The following SAMSN1 variants were observed in gnomAD, a reference collection of about 807,000 sequenced individuals.
SAMSN1 encodes the protein SAM domain-containing protein SAMSN-1.
A neutral mutation model predicts 42.0 loss-of-function variants in SAMSN1; 31 were observed. The observed-to-expected ratio is 0.74, with a 90% CI of 0.55 to 1.00. SAMSN1 has a LOEUF of 1.00. SAMSN1 is among the 50% of genes least tolerant of loss of function. The pLI is 0.00. For missense variants in SAMSN1, 464 were observed against 439.4 expected (o/e 1.06, Z -0.50); for synonymous variants, 178 against 151.9 (o/e 1.17, Z -1.26).
At chr21:14,573,063 C>A (rs1172199446) in intron 2 of SAMSN1, among the ~76,000 whole-genome samples, 4 of 152,090 alleles carry the variant, frequency 2.6e-5, no homozygotes, top group Non-Finnish European at 4.4e-5. Context: ...TCAATGGTGA[C>A]CATGATTATC....
intron 1 of SAMSN1, 66 bp downstream of exon 1, chr21:14,546,139 A>G: frequency 7.2e-7 from 1 of 1,387,690 alleles, no homozygotes. Flanking sequence ...GTGTTCAAAC[A>G]CACATATGTG....
intron 1 of SAMSN1, among the ~76,000 whole-genome samples, chr21:14,654,787 G>T (rs1983891063): frequency 6.6e-6 from 1 of 151,786 alleles, no homozygotes; most frequent in Non-Finnish European, 1.5e-5. Context: ...TTTTTAATTG[G>T]GGCATCAGGA....
At chr21:14,524,982 T>G (rs1321218994) in intron 1 of SAMSN1, among the ~76,000 whole-genome samples, 2 of 152,180 alleles carry the variant, frequency 1.3e-5, no homozygotes, top group African/African-American at 2.4e-5. Context: ...AAGGGACAAC[T>G]TAGACATTTA....
intron 5 of SAMSN1, among the ~76,000 whole-genome samples, chr21:14,604,488 G>T (rs1982515617): frequency 6.6e-6 from 1 of 152,168 alleles, no homozygotes; most frequent in African/African-American, 2.4e-5. Context: ...CTGAGGCAGA[G>T]GAATGCTTGA....
chr21:14,486,158 A>G (rs1446889213), intron 7 of SAMSN1, 44 bp from the exon 8 acceptor site: 1 of 1,364,776 alleles, frequency 7.3e-7, no homozygotes, highest in East Asian at 2.4e-5. Flanking sequence ...AAGCAACACA[A>G]AATCTTATTC....
At chr21:14,635,801 G>T (rs62227244) in intron 2 of SAMSN1, among the ~76,000 whole-genome samples, 2 of 151,872 alleles carry the variant, frequency 1.3e-5, no homozygotes, top group Admixed American at 6.6e-5. Flanking sequence ...TTTGATGCTC[G>T]CTGCAAACCA....
chr21:14,621,762 C>A (rs1335239256), intron 2 of SAMSN1, among the ~76,000 whole-genome samples: 1 of 152,214 alleles, frequency 6.6e-6, no homozygotes, highest in African/African-American at 2.4e-5. Context: ...TGTCTGACAG[C>A]TTTGAAGAGA....
At chr21:14,655,742 G>C (rs945063540) in intron 1 of SAMSN1, among the ~76,000 whole-genome samples, 2 of 151,740 alleles carry the variant, frequency 1.3e-5, no homozygotes, top group Non-Finnish European at 3.0e-5. Flanking sequence ...TAGGATGGCT[G>C]ATATCATAGC....
rs1348067658 is a variant in SAMSN1, at chr21:14,572,338, G to A, written c.261+9798C>T. ...ATAAGAAACTGAAACTCTGAGAAAC[G>A]AAGTGACTTAACAGTTACACAGACA... On this transcript the variant is annotated intron_variant, in intron 2 of 8. Coordinates refer to the SAMSN1 transcript ENST00000285670. 4.6e-5 allele frequency among the ~76,000 whole-genome samples: 7 copies of A among 152,196 alleles called. No individual in the cohort carries two copies. The East Asian group carries it at 7.7e-4, about 17-fold the overall frequency.
In SAMSN1 at chr21:14,498,426, A is replaced by G. The variant is rs1986998751; in HGVS notation, c.919+16T>C. The G allele has an allele frequency of 1.3e-6, 2 of 1,592,924 alleles. No homozygotes were observed. Among genetic ancestry groups the G allele is most frequent in the South Asian group, 1.1e-5 (1 of 87,138 alleles). Reference sequence around the variant, plus strand: ...CTGATTATCAGCTGGGGAGAAGAGTAGGTGTACACACTTACTTTCTTCTTC... The same window carrying G: ...CTGATTATCAGCTGGGGAGAAGAGTGGGTGTACACACTTACTTTCTTCTTC... On this transcript the variant is annotated intron_variant, in intron 7 of 7. Coordinates refer to ENST00000400566, the MANE Select transcript of SAMSN1 (RefSeq NM_022136.5).
Position 14,629,575 on chromosome 21 carries a change from C to G in SAMSN1, c.156+13427G>C, listed in dbSNP as rs76550610. On this transcript the variant is annotated intron_variant, in intron 2 of 15. Coordinates refer to the SAMSN1 transcript ENST00000647101. The stretch of plus-strand genomic sequence containing the variant: ...CCTGTCTTCAAGAAACAACCCCATA[C>G]AGCTAGTGAATTCTGCTTTCTCTAA... 7.5e-3 allele frequency among the ~76,000 whole-genome samples: 1,148 copies of G among 152,322 alleles called. 18 individuals are homozygous for G. The highest frequency in any genetic ancestry group is 0.027 in the African/African-American group (1,114 of 41,560).
chr21:14,602,124 T>C (rs1982452484), intron 5 of SAMSN1: 1 of 604,328 alleles, frequency 1.7e-6, no homozygotes, highest in African/African-American at 1.9e-5. Context: ...AACTGTTACA[T>C]ACAGAATATC....
chr21:14,658,401 G>A (rs1983949089), intron 1 of SAMSN1, among the ~76,000 whole-genome samples: 1 of 151,780 alleles, frequency 6.6e-6, no homozygotes, highest in Non-Finnish European at 1.5e-5. Context: ...AGCAAAGCAA[G>A]CAACACAAAG....
chr21:14,650,815 TAAATAAAATCAGA>T (rs1449420130), intron 1 of SAMSN1, among the ~76,000 whole-genome samples: 1 of 151,438 alleles, frequency 6.6e-6, no homozygotes, highest in Non-Finnish European at 1.5e-5. Flanking sequence ...AAAGCCCAAA[TAAATAAAATCAGA>T]AAAGAAAAAG....
At chr21:14,654,356 T>C (rs1983881234) in intron 1 of SAMSN1, among the ~76,000 whole-genome samples, 1 of 152,014 alleles carries the variant, frequency 6.6e-6, no homozygotes, top group Non-Finnish European at 1.5e-5. Flanking sequence ...AAGAACTAAG[T>C]AAGTCATGAG....
chr21:14,642,945 A>G, intron 2 of SAMSN1: 1 of 691,196 alleles, frequency 1.4e-6, no homozygotes. Context: ...ATTAGGCAAG[A>G]GATTCTAGAA....
chr21:14,531,477 T>C (rs999912069), intron 1 of SAMSN1, among the ~76,000 whole-genome samples: 1 of 152,020 alleles, frequency 6.6e-6, no homozygotes, highest in South Asian at 2.1e-4. Context: ...TGTAAGCTTT[T>C]TTTTTTCTTT....
chr21:14,628,695 A>C (rs1201753294), intron 2 of SAMSN1, among the ~76,000 whole-genome samples: 1 of 152,192 alleles, frequency 6.6e-6, no homozygotes, highest in African/African-American at 2.4e-5. Context: ...GGCAAAGGGG[A>C]ATGTTGGTAA....
In SAMSN1 at chr21:14,645,767, C is replaced by A. The variant is rs777166815; in HGVS notation, c.25-2634G>T. 1.2e-4 allele frequency among the ~76,000 whole-genome samples: 19 copies of A among 152,054 alleles called. 1 individual carries two copies. Among genetic ancestry groups the A allele is most frequent in the Admixed American group, 2.6e-4 (4 of 15,278 alleles). ...AACTCAAAAGAAATTCAAAATAACA[C>A]GGATAAGGAATTCAGAATTCTATCC... On this transcript the variant is annotated intron_variant, in intron 1 of 15. Transcript: ENST00000647101.
Sources: gnomAD v4.1 joint callset for allele counts (sites outside exome capture counted in the v4.1 genomes callset) on GRCh38, gnomAD v4.1.1 for gene constraint, MANE v1.5 for transcripts, NCBI Gene and HGNC (gene_info 2026-07-23, HGNC 2026-07-21) for gene names.